Variants in ST3GAL3 observed in about 807,000 individuals in gnomAD.
ST3GAL3 encodes CMP-N-acetylneuraminate-beta-1,4-galactoside alpha-2,3-sialyltransferase.
A neutral mutation model predicts 50.1 loss-of-function variants in ST3GAL3; 21 were observed. That is an observed-to-expected ratio of 0.42 (90% CI 0.30 to 0.60). The LOEUF is 0.60. ST3GAL3 is among the 20% of genes least tolerant of loss of function. ST3GAL3 has a pLI of 0.19. For synonymous variants in ST3GAL3, 183 were observed against 190.0 expected, an observed-to-expected ratio of 0.96 and a Z score of 0.30; for missense variants, 353 against 489.4, an observed-to-expected ratio of 0.72 and a Z score of 2.63.
At chr1:43,851,344 C>T in intron 5 of ST3GAL3, 1 of 1,550,942 alleles carries the variant, frequency 6.4e-7, no homozygotes, top group Non-Finnish European at 8.9e-7. Flanking sequence ...CATGGGTTTC[C>T]ACCAGGGCAG....
intron 2 of ST3GAL3, among the ~76,000 whole-genome samples, chr1:43,746,089 A>G (rs998704404): frequency 3.9e-5 from 6 of 152,248 alleles, no homozygotes; most frequent in South Asian, 2.1e-4. Context: ...ATGCATGACT[A>G]TATCTGAGAA....
At chr1:43,835,360 CT>C (rs1424980319) in intron 4 of ST3GAL3, among the ~76,000 whole-genome samples, 1 of 152,180 alleles carries the variant, frequency 6.6e-6, no homozygotes, top group Non-Finnish European at 1.5e-5. Flanking sequence ...CTATTCTTCT[CT>C]CACTGGGATA....
intron 5 of ST3GAL3, among the ~76,000 whole-genome samples, chr1:43,847,415 A>G (rs1318628984): frequency 6.6e-6 from 1 of 152,208 alleles, no homozygotes; most frequent in African/African-American, 2.4e-5. Context: ...GATAAACAAA[A>G]TGTGGTATGC....
At chr1:43,874,136 T>C (rs2073611426) in intron 5 of ST3GAL3, among the ~76,000 whole-genome samples, 1 of 152,228 alleles carries the variant, frequency 6.6e-6, no homozygotes, top group African/African-American at 2.4e-5. Flanking sequence ...TATAAGTTAC[T>C]ATACAAACTA....
chr1:43,861,896 C>G (rs759969713), intron 5 of ST3GAL3, among the ~76,000 whole-genome samples: 3 of 152,138 alleles, frequency 2.0e-5, no homozygotes, highest in Admixed American at 6.5e-5. Context: ...GGCGTGTTGG[C>G]ACATGCATGT....
At chr1:43,762,427 T>C (rs1036007257) in intron 2 of ST3GAL3, among the ~76,000 whole-genome samples, 1 of 152,164 alleles carries the variant, frequency 6.6e-6, no homozygotes, top group Admixed American at 6.5e-5. Context: ...AATGCATGGC[T>C]ACTTGGCGAG....
intron 3 of ST3GAL3, among the ~76,000 whole-genome samples, chr1:43,807,940 G>A (rs763224868): frequency 6.6e-6 from 1 of 152,094 alleles, no homozygotes; most frequent in Non-Finnish European, 1.5e-5. Flanking sequence ...AACTCTAGGG[G>A]GTGTGGTTTA....
intron 4 of ST3GAL3, among the ~76,000 whole-genome samples, chr1:43,835,792 C>T (rs917816877): frequency 1.3e-5 from 2 of 152,176 alleles, no homozygotes; most frequent in East Asian, 3.8e-4. Context: ...AGAAAGACCA[C>T]AGGAACTCAC....
intron 2 of ST3GAL3, among the ~76,000 whole-genome samples, chr1:43,789,054 G>A (rs1171738360): frequency 6.6e-6 from 1 of 152,072 alleles, no homozygotes; most frequent in Non-Finnish European, 1.5e-5. Context: ...TGGAACTCAA[G>A]GTGGTAAATG....
intron 1 of ST3GAL3, among the ~76,000 whole-genome samples, chr1:43,734,294 C>CTTT (rs1677265566): frequency 4.1e-5 from 5 of 122,440 alleles, no homozygotes; most frequent in South Asian, 5.5e-4. Context: ...CTTTCTTCTT[C>CTTT]TTCTTTTTTT....
chr1:43,879,377 T>C, intron 5 of ST3GAL3: 1 of 456,264 alleles, frequency 2.2e-6, no homozygotes, highest in South Asian at 1.5e-5. Context: ...CATGGTATGG[T>C]TGATGATTTA....
chr1:43,744,608 G>C (rs569758321), intron 2 of ST3GAL3, among the ~76,000 whole-genome samples: 6 of 150,986 alleles, frequency 4.0e-5, no homozygotes, highest in African/African-American at 1.5e-4. Context: ...AGCCAAGATT[G>C]CACCACTGCA....
chr1:43,809,012 T>C (rs972953800), intron 3 of ST3GAL3, among the ~76,000 whole-genome samples: 2 of 152,208 alleles, frequency 1.3e-5, no homozygotes, highest in African/African-American at 2.4e-5. Flanking sequence ...AGTGACTTAA[T>C]TGTATCTCAA....
At chr1:43,884,614 G>T (rs201546053) in intron 5 of ST3GAL3, among the ~76,000 whole-genome samples, 1 of 152,266 alleles carries the variant, frequency 6.6e-6, no homozygotes, top group East Asian at 1.9e-4. Context: ...GTGGGATTTG[G>T]CTTCATCCTG....
chr1:43,708,933 T>G (rs944316657), intron 1 of ST3GAL3, among the ~76,000 whole-genome samples: 3 of 152,218 alleles, frequency 2.0e-5, no homozygotes, highest in African/African-American at 7.2e-5. Context: ...AAACTTGCTC[T>G]AATGGGCCTA....
chr1:43,879,531 G>A, intron 5 of ST3GAL3: 1 of 405,664 alleles, frequency 2.5e-6, no homozygotes, highest in Non-Finnish European at 4.9e-6. Context: ...TTTAGAATAT[G>A]TTTAGTGATT....
intron 2 of ST3GAL3, among the ~76,000 whole-genome samples, chr1:43,761,714 G>A (rs1338228212): frequency 6.6e-6 from 1 of 151,900 alleles, no homozygotes; most frequent in Non-Finnish European, 1.5e-5. Flanking sequence ...ACTTTGGGAG[G>A]CCAAGGTGGG....
intron 1 of ST3GAL3, chr1:43,708,129 T>G (rs950417828): frequency 4.6e-5 from 7 of 152,300 alleles, no homozygotes; most frequent in African/African-American, 1.4e-4. Context: ...GGGCCAGAAC[T>G]GGGGTCAGTT....
intron 5 of ST3GAL3, among the ~76,000 whole-genome samples, chr1:43,891,903 G>A (rs568422328): frequency 2.6e-5 from 4 of 152,292 alleles, no homozygotes; most frequent in African/African-American, 9.6e-5. Context: ...GTGCAGAGCC[G>A]CTGAGAACTT....
Sources: allele counts gnomAD v4.1 joint callset (sites outside exome capture counted in the v4.1 genomes callset), GRCh38; gene constraint gnomAD v4.1.1; transcripts MANE v1.5; gene names NCBI Gene and HGNC (gene_info 2026-07-23, HGNC 2026-07-21).